The following UBE2E2 variants were observed in gnomAD, a reference collection of about 807,000 sequenced individuals.
UBE2E2 encodes the protein ubiquitin-conjugating enzyme E2 E2.
Under a neutral mutation model 24.7 loss-of-function variants are expected in UBE2E2, and 6 were observed. That is an observed-to-expected ratio of 0.24 (90% CI 0.13 to 0.48). The LOEUF (loss-of-function observed/expected upper bound fraction) is 0.48, where lower values mean the gene tolerates loss of function less well. Ranked by LOEUF, UBE2E2 falls within the 20% of genes least tolerant of loss-of-function variation. The pLI is 0.99. For missense variants in UBE2E2, 169 were observed against 245.0 expected (o/e 0.69, Z 2.07); for synonymous variants, 104 against 83.6 (o/e 1.24, Z -1.33).
chr3:23,327,848 A>G (rs1694945445), intron 3 of UBE2E2, among the ~76,000 whole-genome samples: 1 of 152,154 alleles, frequency 6.6e-6, no homozygotes, highest in African/African-American at 2.4e-5. Context: ...GTGAAGATTA[A>G]GTTTTTCAGG....
intron 3 of UBE2E2, among the ~76,000 whole-genome samples, chr3:23,480,214 G>A (rs1419895706): frequency 6.6e-6 from 1 of 152,230 alleles, no homozygotes; most frequent in Non-Finnish European, 1.5e-5. Flanking sequence ...CTGTGCAGCA[G>A]GGGGCTGGTG....
At chr3:23,449,112 G>A (rs1412902631) in intron 3 of UBE2E2, among the ~76,000 whole-genome samples, 1 of 152,092 alleles carries the variant, frequency 6.6e-6, no homozygotes, top group Non-Finnish European at 1.5e-5. Context: ...AAAATTTAGG[G>A]TAACTCTTAT....
intron 3 of UBE2E2, among the ~76,000 whole-genome samples, chr3:23,436,477 G>T (rs1307570421): frequency 6.6e-6 from 1 of 151,996 alleles, no homozygotes; most frequent in African/African-American, 2.4e-5. Context: ...AAACTGGAGC[G>T]CTCTCATTTA....
intron 3 of UBE2E2, among the ~76,000 whole-genome samples, chr3:23,236,473 T>G (rs556546953): frequency 6.6e-6 from 1 of 151,308 alleles, no homozygotes; most frequent in South Asian, 2.1e-4. Context: ...CTTTTGAGGA[T>G]TCTTAGGTCC....
At chr3:23,309,099 G>C (rs1699310529) in intron 3 of UBE2E2, among the ~76,000 whole-genome samples, 1 of 152,152 alleles carries the variant, frequency 6.6e-6, no homozygotes, top group South Asian at 2.1e-4. Flanking sequence ...TCTAGTTCCT[G>C]GCCACTTTGT....
chr3:23,366,246 AGT>A (rs1285384374), intron 3 of UBE2E2, among the ~76,000 whole-genome samples: 1 of 152,226 alleles, frequency 6.6e-6, no homozygotes, highest in Non-Finnish European at 1.5e-5. Flanking sequence ...TGTGGAAAGT[AGT>A]GTGGCAATTT....
At chr3:23,291,847 T>G (rs1698774093) in intron 3 of UBE2E2, among the ~76,000 whole-genome samples, 1 of 123,932 alleles carries the variant, frequency 8.1e-6, no homozygotes, top group Non-Finnish European at 1.6e-5. Context: ...CATGCCCGGC[T>G]AATTTTTTTT....
intron 3 of UBE2E2, among the ~76,000 whole-genome samples, chr3:23,429,416 T>C (rs995597931): frequency 1.3e-5 from 2 of 152,152 alleles, no homozygotes; most frequent in Admixed American, 1.3e-4. Context: ...TCCAACAGTG[T>C]GTAGAAACAA....
chr3:23,454,618 G>C (rs1002694089), intron 3 of UBE2E2, among the ~76,000 whole-genome samples: 3 of 152,198 alleles, frequency 2.0e-5, no homozygotes, highest in Non-Finnish European at 2.9e-5. Context: ...CTGCTAATGG[G>C]ATAGCCCAAC....
chr3:23,243,262 A>G (rs890102269), intron 3 of UBE2E2, among the ~76,000 whole-genome samples: 1 of 152,190 alleles, frequency 6.6e-6, no homozygotes, highest in Non-Finnish European at 1.5e-5. Flanking sequence ...AGCAATATGG[A>G]CAAACAATAC....
intron 3 of UBE2E2, among the ~76,000 whole-genome samples, chr3:23,257,246 C>CATT (rs1697752208): frequency 6.6e-6 from 1 of 152,162 alleles, no homozygotes; most frequent in Non-Finnish European, 1.5e-5. Context: ...ACACCCAGAG[C>CATT]ACATGGCTCA....
intron 3 of UBE2E2, among the ~76,000 whole-genome samples, chr3:23,396,838 C>T (rs1382231141): frequency 6.6e-6 from 1 of 152,162 alleles, no homozygotes; most frequent in African/African-American, 2.4e-5. Context: ...ATTTTTATTA[C>T]TTCATCCCTG....
At chr3:23,302,796 T>C (rs1361661378) in intron 3 of UBE2E2, among the ~76,000 whole-genome samples, 2 of 152,250 alleles carry the variant, frequency 1.3e-5, no homozygotes, top group Non-Finnish European at 2.9e-5. Context: ...TGTATTTTAA[T>C]ATAATGTTAT....
intron 3 of UBE2E2, among the ~76,000 whole-genome samples, chr3:23,351,956 A>G (rs1482335087): frequency 1.3e-5 from 2 of 152,174 alleles, no homozygotes; most frequent in African/African-American, 2.4e-5. Flanking sequence ...CACCACACCT[A>G]TTGCAAAATT....
At chr3:23,328,334 A>G (rs1490210383) in intron 3 of UBE2E2, among the ~76,000 whole-genome samples, 9 of 152,208 alleles carry the variant, frequency 5.9e-5, no homozygotes, top group African/African-American at 9.6e-5. Flanking sequence ...TTTTGACTTT[A>G]TGATGGTGCA....
intron 4 of UBE2E2, among the ~76,000 whole-genome samples, chr3:23,528,982 T>C (rs955153740): frequency 1.3e-5 from 2 of 152,220 alleles, no homozygotes; most frequent in African/African-American, 4.8e-5. Context: ...GAACAAATTA[T>C]TGACACGTGC....
chr3:23,501,751 C>T (rs1168428682), intron 4 of UBE2E2, among the ~76,000 whole-genome samples: 1 of 152,150 alleles, frequency 6.6e-6, no homozygotes, highest in Admixed American at 6.5e-5. Flanking sequence ...ATCTGACCCA[C>T]AGTGGGACAG....
chr3:23,523,012 C>G (rs1694904189), intron 4 of UBE2E2, among the ~76,000 whole-genome samples: 1 of 150,688 alleles, frequency 6.6e-6, no homozygotes, highest in African/African-American at 2.4e-5. Context: ...AAAAACAGAA[C>G]AAGTCAAGAG....
intron 5 of UBE2E2, among the ~76,000 whole-genome samples, chr3:23,539,440 A>T (rs1695338719): frequency 6.6e-6 from 1 of 152,214 alleles, no homozygotes; most frequent in Non-Finnish European, 1.5e-5. Context: ...AGTGCTTTTA[A>T]AGTTTAAAGT....
Sources: gnomAD v4.1 joint callset for allele counts (sites outside exome capture counted in the v4.1 genomes callset) on GRCh38, gnomAD v4.1.1 for gene constraint, MANE v1.5 for transcripts, NCBI Gene and HGNC (gene_info 2026-07-23, HGNC 2026-07-21) for gene names.